Variants in ANGEL2 observed in about 807,000 individuals in gnomAD.
ANGEL2 encodes the protein RNA 2',3'-cyclic phosphatase ANGEL2.
Under a neutral mutation model 66.0 loss-of-function variants are expected in ANGEL2, and 41 were observed. The ratio of observed to expected loss-of-function variants is 0.62; its 90% confidence interval spans 0.48 to 0.81. The LOEUF (loss-of-function observed/expected upper bound fraction) is 0.81, where lower values mean the gene tolerates loss of function less well. Among genes scored for constraint, ANGEL2 ranks in the 30% least tolerant of loss-of-function variants. The pLI, the probability that ANGEL2 is intolerant of heterozygous loss-of-function variation, is 0.00. For missense variants in ANGEL2, 561 were observed against 641.6 expected (o/e 0.87, Z 1.36); for synonymous variants, 208 against 226.5 (o/e 0.92, Z 0.73).
At chr1:213,007,095 AAAAG>A in intron 4 of ANGEL2, 30 bp downstream of exon 4, 1 of 1,528,292 alleles carries the variant, frequency 6.5e-7, no homozygotes, top group Non-Finnish European at 8.9e-7. Context: ...CCTGTCTCAA[AAAAG>A]AAAAAAAAAA....
intron 2 of ANGEL2, chr1:213,011,452 A>C: frequency 8.8e-7 from 1 of 1,132,370 alleles, no homozygotes; most frequent in Non-Finnish European, 1.1e-6. Flanking sequence ...TTCCTTATTC[A>C]CAACACCTAG....
In ANGEL2 at chr1:212,996,168, A is replaced by G. The variant is rs184583713; in HGVS notation, c.1484-976T>C. 2.6e-3 allele frequency among the ~76,000 whole-genome samples: 394 copies of G among 152,156 alleles called. 2 individuals carry two copies. Among genetic ancestry groups the G allele is most frequent in the Middle Eastern group, 0.014 (4 of 294 alleles). On this transcript the variant is annotated intron_variant, in intron 8 of 8. Coordinates refer to ENST00000366962, the MANE Select transcript of ANGEL2 (RefSeq NM_144567.5). ...TAAAAATACAAAAAATTAGCCGGGC[A>G]TGGTGGCGGGCGCCTGTAGTCCCAG...
At chr1:213,014,407 T>G (rs2076584755) in intron 1 of ANGEL2, among the ~76,000 whole-genome samples, 1 of 152,236 alleles carries the variant, frequency 6.6e-6, no homozygotes, top group African/African-American at 2.4e-5. Flanking sequence ...TAAATTTTTA[T>G]TATAATTTTT....
intron 2 of ANGEL2, among the ~76,000 whole-genome samples, chr1:213,009,667 T>A (rs75169899): frequency 1.3e-5 from 2 of 152,262 alleles, no homozygotes; most frequent in Admixed American, 6.5e-5. Flanking sequence ...GTGTTAGGAC[T>A]GTGAAATATT....
chr1:213,004,703 A>T (rs1438170035), intron 5 of ANGEL2, among the ~76,000 whole-genome samples: 1 of 151,898 alleles, frequency 6.6e-6, no homozygotes, highest in Non-Finnish European at 1.5e-5. Flanking sequence ...CCCCGTCTCT[A>T]CTAAAAATAC....
intron 4 of ANGEL2, 49 bp downstream of exon 4, chr1:213,007,080 G>A (rs1166151032): frequency 1.3e-6 from 2 of 1,511,658 alleles, no homozygotes; most frequent in Non-Finnish European, 1.8e-6. Flanking sequence ...GCGACAGAGT[G>A]AGACCCTGTC....
At position 213,000,294 on chromosome 1, in the gene ANGEL2, G is replaced by C. The variant is rs201723446; in HGVS notation, c.1319+32C>G. ...TGAGTTTTTTATTCAACTAAAGTTA[G>C]CAAATGTCTCCTTTTGCTTTCCAGA... is the stretch of plus-strand genomic sequence containing the variant. On this transcript the variant is annotated intron_variant, in intron 7 of 8. Coordinates refer to ENST00000366962, the MANE Select transcript of ANGEL2 (RefSeq NM_144567.5). The C allele has an allele frequency of 2.0e-5, 32 of 1,576,632 alleles. No homozygotes were observed. In the East Asian group the frequency reaches 6.9e-4, roughly 34 times the overall value.
chr1:213,015,300 T>C, intron 1 of ANGEL2: 1 of 1,294,380 alleles, frequency 7.7e-7, no homozygotes, highest in Non-Finnish European at 9.8e-7. Context: ...AGGCCAGCGC[T>C]GGTCTGGAGG....
chr1:213,009,710 C>A (rs183871455), intron 2 of ANGEL2, among the ~76,000 whole-genome samples: 1 of 152,284 alleles, frequency 6.6e-6, no homozygotes, highest in East Asian at 1.9e-4. Context: ...CATTTACAAT[C>A]AAAATATCAA....
At chr1:213,011,086 C>T in intron 2 of ANGEL2, 2 of 1,040,830 alleles carry the variant, frequency 1.9e-6, no homozygotes, top group East Asian at 6.1e-5. Context: ...AATAAACTTA[C>T]AGAAATGTGT....
chr1:213,015,596 T>C lies in ANGEL2; in HGVS notation c.59+17A>G. 3.2e-6 allele frequency: 5 copies of C among 1,561,488 alleles called. No homozygotes were observed. The highest frequency in any genetic ancestry group is 4.3e-6 in the Non-Finnish European group (5 of 1,151,448). ...CCCGCCCCTCTCTCCTCCCTCCGAG[T>C]ACCCAGCCCTACTGACCGGCCTCTT... On this transcript the variant is annotated intron_variant, in intron 1 of 8. Coordinates refer to ENST00000366962, the MANE Select transcript of ANGEL2 (RefSeq NM_144567.5).
intron 7 of ANGEL2, among the ~76,000 whole-genome samples, chr1:212,998,773 G>A (rs1282355975): frequency 2.0e-5 from 3 of 151,828 alleles, no homozygotes; most frequent in Non-Finnish European, 4.4e-5. Flanking sequence ...TGATCCGCCC[G>A]CCTCAGCCTC....
intron 8 of ANGEL2, 137 bp from the exon 9 acceptor site, chr1:212,995,329 G>T: frequency 1.8e-6 from 1 of 568,280 alleles, no homozygotes; most frequent in Non-Finnish European, 2.9e-6. Context: ...ACAGTTTTTA[G>T]AATATCTAAG....
intron 2 of ANGEL2, among the ~76,000 whole-genome samples, chr1:213,009,923 C>T (rs1311708118): frequency 4.0e-5 from 6 of 151,754 alleles, no homozygotes; most frequent in Non-Finnish European, 7.4e-5. Context: ...TGGTGGCATG[C>T]ACCTGTAATC....
At chr1:212,999,093 T>C (rs2076108289) in intron 7 of ANGEL2, among the ~76,000 whole-genome samples, 1 of 149,198 alleles carries the variant, frequency 6.7e-6, no homozygotes. Context: ...AGACTGCTCT[T>C]GAACTCCTGA....
At chr1:213,014,779 A>G (rs971757041) in intron 1 of ANGEL2, among the ~76,000 whole-genome samples, 13 of 152,228 alleles carry the variant, frequency 8.5e-5, no homozygotes, top group African/African-American at 3.1e-4. Context: ...CTGAATTACC[A>G]TCAAGTCCCA....
chr1:213,015,406 C>G, intron 1 of ANGEL2: 1 of 1,425,598 alleles, frequency 7.0e-7, no homozygotes, highest in South Asian at 1.5e-5. Flanking sequence ...ACCTCGTTGG[C>G]CCAGCGTCCC....
intron 2 of ANGEL2, among the ~76,000 whole-genome samples, chr1:213,010,550 C>A (rs1024028575): frequency 4.3e-5 from 6 of 140,186 alleles, no homozygotes; most frequent in Admixed American, 7.6e-5. Context: ...CCAGCCTGGG[C>A]AACAGAGTGA....
chr1:213,009,640 A>G (rs1051261441), intron 2 of ANGEL2, among the ~76,000 whole-genome samples: 1 of 152,264 alleles, frequency 6.6e-6, no homozygotes, highest in African/African-American at 2.4e-5. Flanking sequence ...CATATTTTTA[A>G]GAGTAGTTAT....
Sources: allele counts gnomAD v4.1 joint callset (sites outside exome capture counted in the v4.1 genomes callset), GRCh38; gene constraint gnomAD v4.1.1; transcripts MANE v1.5; gene names NCBI Gene and HGNC (gene_info 2026-07-23, HGNC 2026-07-21).